Variants in GPHN observed in about 807,000 individuals in gnomAD.
GPHN encodes gephyrin.
GPHN carries 17 observed loss-of-function variants against 95.5 expected under a neutral mutation model. The ratio of observed to expected loss-of-function variants is 0.18; its 90% CI spans 0.12 to 0.27. GPHN has a LOEUF of 0.27. Among genes scored for constraint, GPHN ranks in the 10% least tolerant of loss-of-function variants. GPHN has a pLI of 1.00. For synonymous variants in GPHN, 320 were observed against 322.5 expected (o/e 0.99, Z 0.08); for missense variants, 660 against 978.1 (o/e 0.67, Z 4.34).
chr14:67,117,849 T>G (rs1011184930), intron 16 of GPHN, among the ~76,000 whole-genome samples: 6 of 152,090 alleles, frequency 3.9e-5, no homozygotes, highest in African/African-American at 1.4e-4. Context: ...CTAAGCATCA[T>G]AGACAAGGAA....
the GPHN span, among the ~76,000 whole-genome samples, chr14:67,489,603 G>A: frequency 6.6e-5 from 10 of 152,110 alleles, no homozygotes; most frequent in Admixed American, 2.0e-4. Context: ...ACTCCTTTGC[G>A]ATGCCGTCCC....
chr14:67,483,700 G>T, the GPHN span, among the ~76,000 whole-genome samples: 1 of 152,156 alleles, frequency 6.6e-6, no homozygotes, highest in African/African-American at 2.4e-5. Context: ...CCCTCACCAG[G>T]ACACACACAA....
chr14:67,411,532 A>G, the GPHN span, among the ~76,000 whole-genome samples: 1 of 152,026 alleles, frequency 6.6e-6, no homozygotes, highest in Non-Finnish European at 1.5e-5. Context: ...CAAGTTCCCT[A>G]ACTCCTCTGG....
At chr14:67,502,648 C>T in the GPHN span, among the ~76,000 whole-genome samples, 3 of 151,938 alleles carry the variant, frequency 2.0e-5, no homozygotes, top group South Asian at 2.1e-4. Context: ...GACGGCATTC[C>T]TCCATGTTGG....
chr14:67,348,897 A>G, the GPHN span: 1 of 791,858 alleles, frequency 1.3e-6, no homozygotes, highest in Non-Finnish European at 2.0e-6. Flanking sequence ...GTTGTTAATG[A>G]TTTTAACATG....
At chr14:66,830,848 G>C (rs1395175275) in intron 4 of GPHN, among the ~76,000 whole-genome samples, 4 of 151,910 alleles carry the variant, frequency 2.6e-5, no homozygotes, top group African/African-American at 9.7e-5. Context: ...TTTTTTTCAT[G>C]AAAATGTCAG....
intron 1 of GPHN, among the ~76,000 whole-genome samples, chr14:66,522,028 C>T (rs1368405114): frequency 1.3e-5 from 2 of 152,004 alleles, no homozygotes; most frequent in Non-Finnish European, 2.9e-5. Context: ...TGAAAATGCT[C>T]CTCTGGCAGA....
chr14:67,564,747 G>C, the GPHN span, among the ~76,000 whole-genome samples: 1 of 150,310 alleles, frequency 6.7e-6, no homozygotes, highest in African/African-American at 2.5e-5. Context: ...GGAGTGCAAT[G>C]GTGCAATCAT....
rs184947834 is a variant in GPHN, at chr14:66,745,288, T to C, written c.144-31176T>C. Among the ~76,000 whole-genome samples the C allele has an allele frequency of 1.7e-4, 26 of 152,228 alleles. No individual in the cohort carries two copies. In the East Asian group the frequency reaches 5.0e-3, roughly 29 times the overall value. ...TACATGCTGTATCTATTTATATCTC[T>C]GTCTTGCCTTCTCTCTATATATAAC... On this transcript the variant is annotated intron_variant, in intron 2 of 22. Coordinates refer to ENST00000478722, the MANE Select transcript of GPHN (RefSeq NM_020806.5).
the GPHN span, among the ~76,000 whole-genome samples, chr14:67,492,625 C>CT: frequency 2.0e-5 from 3 of 152,342 alleles, no homozygotes; most frequent in East Asian, 5.8e-4. Flanking sequence ...AGAAGCCCAG[C>CT]AGGGCTTTCA....
At chr14:67,653,345 G>T in the GPHN span, 2 of 1,091,106 alleles carry the variant, frequency 1.8e-6, no homozygotes, top group Non-Finnish European at 2.8e-6. Context: ...CTGCTGAGGT[G>T]CTTTATGAGG....
chr14:67,089,158 T>TC, intron 12 of GPHN, 83 bp downstream of exon 12: 1 of 468,966 alleles, frequency 2.1e-6, no homozygotes, highest in African/African-American at 2.4e-5. Context: ...TTTTTTTTTT[T>TC]CAAATTTTTG....
the GPHN span, chr14:67,374,605 A>G: frequency 8.3e-7 from 1 of 1,199,430 alleles, no homozygotes; most frequent in Non-Finnish European, 1.2e-6. Context: ...AAATAATTTG[A>G]AATCTTAATT....
chr14:66,742,054 A>G (rs1595751832), intron 2 of GPHN, among the ~76,000 whole-genome samples: 1 of 152,184 alleles, frequency 6.6e-6, no homozygotes, highest in East Asian at 1.9e-4. Context: ...AGAATGCTTT[A>G]TTGAACGCTC....
At chr14:66,910,588 C>T (rs190438744) in intron 5 of GPHN, among the ~76,000 whole-genome samples, 2 of 151,934 alleles carry the variant, frequency 1.3e-5, no homozygotes, top group Non-Finnish European at 2.9e-5. Context: ...TGACCATAAG[C>T]CACAGTAAGA....
At chr14:67,495,590 C>A in the GPHN span, among the ~76,000 whole-genome samples, 2 of 152,000 alleles carry the variant, frequency 1.3e-5, no homozygotes, top group Non-Finnish European at 2.9e-5. Context: ...TCAAGCGATT[C>A]TCCTGCCTCA....
At chr14:67,328,317 T>C in the GPHN span, among the ~76,000 whole-genome samples, 7 of 152,366 alleles carry the variant, frequency 4.6e-5, no homozygotes, top group Non-Finnish European at 1.0e-4. Flanking sequence ...TTGCCCACTT[T>C]TTGATGGGAT....
chr14:67,199,841 A>G, the GPHN span: 2 of 1,497,360 alleles, frequency 1.3e-6, no homozygotes, highest in Non-Finnish European at 1.8e-6. Context: ...ACCCCCAGCC[A>G]TGCCCCACCA....
chr14:67,573,845 C>G, the GPHN span: 2 of 1,613,814 alleles, frequency 1.2e-6, no homozygotes, highest in Non-Finnish European at 1.7e-6. The surrounding 1 kb of genome is among the most constrained non-coding windows in gnomAD (Gnocchi z 4.8). Flanking sequence ...ATCTGAACTC[C>G]CGCTGCCAAA....
Sources: allele counts gnomAD v4.1 joint callset (sites outside exome capture counted in the v4.1 genomes callset), GRCh38; gene constraint gnomAD v4.1.1; non-coding constraint Gnocchi (gnomAD v3.1); transcripts MANE v1.5; gene names NCBI Gene and HGNC (gene_info 2026-07-23, HGNC 2026-07-21).